EXPH5: variants seen among roughly 807,000 people sequenced by gnomAD.
EXPH5 encodes the protein exophilin-5.
A neutral mutation model predicts 41.1 loss-of-function variants in EXPH5; 42 were observed. The observed-to-expected ratio is 1.02, with a 90% CI of 0.80 to 1.32. The LOEUF (loss-of-function observed/expected upper bound fraction) is 1.32. Among genes scored for constraint, EXPH5 ranks in the 40% most tolerant of loss-of-function variants. EXPH5 has a pLI of 0.00. For missense variants in EXPH5, 2,298 were observed against 2,314.5 expected (o/e 0.99, Z 0.15); for synonymous variants, 798 against 833.5 (o/e 0.96, Z 0.73).
chr11:108,582,220 T>C (rs2094100598), intron 1 of EXPH5, among the ~76,000 whole-genome samples: 1 of 152,144 alleles, frequency 6.6e-6, no homozygotes, highest in Admixed American at 6.6e-5. Context: ...TCCCAGCACT[T>C]TGGGAGGCTG....
At chr11:108,601,921 A>G in the EXPH5 span, among the ~76,000 whole-genome samples, 9 of 151,832 alleles carry the variant, frequency 5.9e-5, no homozygotes, top group East Asian at 1.6e-3. Flanking sequence ...GCTAATTTTC[A>G]TATTTTTTGG....
chr11:108,574,657 T>C (rs2094074105), intron 1 of EXPH5, among the ~76,000 whole-genome samples: 1 of 152,188 alleles, frequency 6.6e-6, no homozygotes, highest in African/African-American at 2.4e-5. Flanking sequence ...AGGGGATGGA[T>C]CATGTGTGGT....
chr11:108,511,305 T>C lies in EXPH5; in HGVS notation c.4202A>G (p.Gln1401Arg). ...TTTTTCTTCGGATACATTTTTTCTC[T>C]GAAGCATCAATGAAGTATGCAGGGT... ...SETLHTSLMLQRKNVSEEKSE... is the reference protein window; with the variant it reads ...SETLHTSLMLRRKNVSEEKSE... The change falls in exon 6 of 6, where the codon CAG (glutamine) becomes CGG (arginine). Residue 1401 changes from glutamine (Q) to arginine (R), a missense_variant. Transcript: ENST00000265843. The C allele has an allele frequency of 1.3e-6, 2 of 1,599,456 alleles. No homozygotes were observed. Among genetic ancestry groups the C allele is most frequent in the Non-Finnish European group, 8.5e-7 (1 of 1,175,428 alleles).
rs989082689 is a variant in EXPH5, at chr11:108,563,806, T to A, written c.120-21994A>T. On this transcript the variant is annotated intron_variant, in intron 1 of 5. Transcript: ENST00000265843. ...GAAAAGGATCAAATCCTCTTCACTG[T>A]CCTAGGCGTCGCTCTGCAGCAAGCG... Among the ~76,000 whole-genome samples, 29 of 152,216 alleles carry A rather than the reference T, an allele frequency of 1.9e-4. 1 individual carries two copies. Among genetic ancestry groups the A allele is most frequent in the Non-Finnish European group, 2.6e-4 (18 of 68,046 alleles).
chr11:108,535,581 G>A (rs1240018067), intron 3 of EXPH5, among the ~76,000 whole-genome samples: 3 of 152,092 alleles, frequency 2.0e-5, no homozygotes, highest in South Asian at 2.1e-4. Context: ...GAGAGAAGGC[G>A]GGTAACAGAG....
rs1274526015 is a variant in EXPH5, at chr11:108,508,039, T to TG, written c.*1497dup. On this transcript the variant is annotated 3_prime_UTR_variant, in exon 6 of 6. Transcript: ENST00000265843. ...AAAAAAAAAAAAAAAATTAGCCAGG[T>TG]GTGGTGGTGGGTGCCTGTAGTCCCA... is the stretch of plus-strand genomic sequence containing the variant. The TG allele has an allele frequency of 8.4e-6, 1 of 119,188 alleles. No individual in the cohort carries two copies. The highest frequency in any genetic ancestry group is 2.3e-4 in the East Asian group (1 of 4,318). 7.4% of individuals were successfully genotyped at this position (119,188 alleles called of 1,614,324 possible).
At position 108,510,449 on chromosome 11, in the gene EXPH5, G is replaced by A. The variant is rs114391005; in HGVS notation, c.5058C>T (p.His1686=). 1.2e-4 allele frequency: 194 copies of A among 1,614,038 alleles called. No individual in the cohort carries two copies. The highest frequency in any genetic ancestry group is 3.3e-4 in the East Asian group (15 of 44,882). Residue 1686 remains histidine, a synonymous_variant, in exon 6 of 6, where the codon CAC becomes CAT. Coordinates refer to ENST00000265843, the MANE Select transcript of EXPH5 (RefSeq NM_015065.3). ...TVLPNREPST[H]VSNQKSNSIS... Reference sequence around the variant, plus strand: ...TGCTGTTAGACTTCTGGTTGCTGACGTGTGTAGAAGGTTCTCTGTTGGGTA... The same window carrying A: ...TGCTGTTAGACTTCTGGTTGCTGACATGTGTAGAAGGTTCTCTGTTGGGTA...
intron 1 of EXPH5, among the ~76,000 whole-genome samples, chr11:108,571,872 C>T (rs2094061348): frequency 6.6e-6 from 1 of 152,000 alleles, no homozygotes; most frequent in Admixed American, 6.6e-5. Context: ...CACAGTGAAA[C>T]CCTGTTTCTA....
intron 5 of EXPH5, among the ~76,000 whole-genome samples, chr11:108,517,567 C>T (rs146746231): frequency 1.4e-3 from 209 of 152,318 alleles, no homozygotes; most frequent in Non-Finnish European, 2.5e-3. Flanking sequence ...AAACTATGAT[C>T]ATATAATAAG....
intron 1 of EXPH5, among the ~76,000 whole-genome samples, chr11:108,549,863 G>T (rs544085873): frequency 6.6e-6 from 1 of 152,158 alleles, no homozygotes; most frequent in Non-Finnish European, 1.5e-5. Flanking sequence ...ATTCCTGGAG[G>T]TACACTCCTT....
intron 1 of EXPH5, among the ~76,000 whole-genome samples, chr11:108,548,567 C>T (rs891340632): frequency 2.0e-5 from 3 of 152,050 alleles, no homozygotes; most frequent in Admixed American, 1.3e-4. Context: ...TTCAGGTAGT[C>T]GATAATGGCA....
rs375083005 is a variant in EXPH5, at chr11:108,528,228, C to T, written c.444-44G>A. ...ATGATTTCTTTGAAGAAGAGCCTAA[C>T]TTTTACCAGGCGGAAAAATCAACAG... On this transcript the variant is annotated intron_variant, in intron 3 of 5. Transcript: ENST00000265843. 633 of 1,424,038 alleles carry T rather than the reference C, an allele frequency of 4.4e-4. 1 individual carries two copies. Among genetic ancestry groups the T allele is most frequent in the Non-Finnish European group, 5.9e-4 (594 of 1,009,278 alleles). 88.2% of individuals were successfully genotyped at this position (1,424,038 alleles called of 1,614,324 possible). A position where few individuals can be genotyped will look rare whatever the true frequency, so the allele number is the denominator to read the frequency against.
chr11:108,572,209 A>G (rs1006906088), intron 1 of EXPH5, among the ~76,000 whole-genome samples: 2 of 152,220 alleles, frequency 1.3e-5, no homozygotes, highest in African/African-American at 4.8e-5. Context: ...TGCGCAGTGA[A>G]ACAAAACCAA....
chr11:108,569,848 C>G (rs1236790529), intron 1 of EXPH5, among the ~76,000 whole-genome samples: 1 of 130,458 alleles, frequency 7.7e-6, no homozygotes. Flanking sequence ...GGTGCCTAGA[C>G]CTCTGACTCC....
chr11:108,575,454 G>C (rs186197217), intron 1 of EXPH5, among the ~76,000 whole-genome samples: 37 of 152,230 alleles, frequency 2.4e-4, no homozygotes, highest in African/African-American at 5.8e-4. Context: ...AAGCATAAAG[G>C]CTTGCCAGTG....
intron 1 of EXPH5, among the ~76,000 whole-genome samples, chr11:108,581,417 A>T (rs554069400): frequency 5.0e-4 from 76 of 152,166 alleles, no homozygotes; most frequent in Non-Finnish European, 8.8e-4. Context: ...TGAGATTATG[A>T]ATATGCTAAT....
Position 108,593,501 on chromosome 11 carries a change from GAA to G in EXPH5, c.34_35del (p.Phe12LeufsTer3), listed in dbSNP as rs1565840382. 1 of 1,614,164 alleles carries G rather than the reference GAA, an allele frequency of 6.2e-7. No homozygotes were observed. The highest frequency in any genetic ancestry group is 8.5e-7 in the Non-Finnish European group (1 of 1,180,016). On this transcript the variant is annotated frameshift_variant, in exon 1 of 6. Coordinates refer to ENST00000265843, the MANE Select transcript of EXPH5 (RefSeq NM_015065.3). LOFTEE classifies it high-confidence loss of function. ...TCTTCCTGGCCTCTTCGTCATTTAA[GAA>G]ACTGAAATCAAACGCCGGAGGAACT... ...TKVPPAFDFS[F>X]LNDEEARKIL...
chr11:108,542,908 G>T (rs943762713), intron 1 of EXPH5, among the ~76,000 whole-genome samples: 3 of 152,000 alleles, frequency 2.0e-5, no homozygotes, highest in Non-Finnish European at 4.4e-5. Flanking sequence ...TAGTAGAGAC[G>T]GGGTTTTGCC....
chr11:108,554,355 G>T (rs1307556482), intron 1 of EXPH5, among the ~76,000 whole-genome samples: 1 of 152,086 alleles, frequency 6.6e-6, no homozygotes, highest in Non-Finnish European at 1.5e-5. Flanking sequence ...ATGCCCAGCC[G>T]CCCTGAACTT....
Sources: gnomAD v4.1 joint callset for allele counts (sites outside exome capture counted in the v4.1 genomes callset) on GRCh38, gnomAD v4.1.1 for gene constraint, MANE v1.5 for transcripts, NCBI Gene and HGNC (gene_info 2026-07-23, HGNC 2026-07-21) for gene names.